Variants in RGS12 observed in about 807,000 individuals in gnomAD.
The protein encoded by RGS12 is regulator of G-protein signaling 12.
A neutral mutation model predicts 120.1 loss-of-function variants in RGS12; 66 were observed. That is an observed-to-expected ratio of 0.55 (90% confidence interval 0.45 to 0.67). The LOEUF is 0.67. RGS12 is among the 30% of genes least tolerant of loss of function. RGS12 has a pLI of 0.00. For synonymous variants in RGS12, 827 were observed against 804.7 expected (o/e 1.03, Z -0.47); for missense variants, 1,859 against 1,957.7 (o/e 0.95, Z 0.95).
In RGS12 at chr4:3,317,347, A is replaced by T; in HGVS notation, c.1177A>T (p.Met393Leu). ...LQFISVLYRD[M>L]GELIEGMRAR... Reference sequence around the variant, plus strand: ...GTTCATCTCTGTCCTGTACCGAGACATGGGTGAGCTGATTGAGGGCATGCG... The same window carrying T: ...GTTCATCTCTGTCCTGTACCGAGACTTGGGTGAGCTGATTGAGGGCATGCG... The change falls in exon 2 of 18, where the codon ATG becomes TTG. Residue 393 changes from methionine to leucine, a missense_variant. Met to Leu is a conservative substitution (Grantham distance 15). Transcript: ENST00000336727. The T allele has an allele frequency of 6.2e-7, 1 of 1,614,090 alleles. No individual in the cohort carries two copies. Among genetic ancestry groups the T allele is most frequent in the Non-Finnish European group, 8.5e-7 (1 of 1,180,018 alleles).
chr4:3,381,474 A>G (rs1333904796), intron 3 of RGS12, among the ~76,000 whole-genome samples: 1 of 152,200 alleles, frequency 6.6e-6, no homozygotes, highest in African/African-American at 2.4e-5. Flanking sequence ...TATAAAGGAA[A>G]TGGGTTTAAT....
chr4:3,396,489 A>G (rs1239809397), intron 4 of RGS12, among the ~76,000 whole-genome samples: 1 of 152,192 alleles, frequency 6.6e-6, no homozygotes, highest in Non-Finnish European at 1.5e-5. Context: ...CATTTTTTCT[A>G]CATGGTATTC....
chr4:3,340,219 G>T (rs1180657654), intron 2 of RGS12, among the ~76,000 whole-genome samples: 1 of 152,188 alleles, frequency 6.6e-6, no homozygotes, highest in African/African-American at 2.4e-5. Flanking sequence ...CCGCACACCT[G>T]CCAGGAGCCG....
intron 4 of RGS12, among the ~76,000 whole-genome samples, chr4:3,409,764 G>C (rs576872098): frequency 2.0e-5 from 3 of 152,324 alleles, no homozygotes; most frequent in South Asian, 2.1e-4. Context: ...CAGCAACCGT[G>C]GGGGGTTGAG....
intron 4 of RGS12, among the ~76,000 whole-genome samples, chr4:3,395,751 T>G: frequency 6.6e-6 from 1 of 152,214 alleles, no homozygotes; most frequent in East Asian, 1.9e-4. Flanking sequence ...CTTTTGCTTA[T>G]TTTTCTGTTA....
At chr4:3,345,893 T>C (rs1053466862) in intron 3 of RGS12, among the ~76,000 whole-genome samples, 5 of 152,180 alleles carry the variant, frequency 3.3e-5, no homozygotes, top group African/African-American at 1.2e-4. Context: ...TTTTATAATA[T>C]ATGGCCTGTT....
intron 1 of RGS12, among the ~76,000 whole-genome samples, chr4:3,310,329 C>T (rs142472876): frequency 6.0e-4 from 87 of 144,958 alleles, no homozygotes; most frequent in African/African-American, 1.7e-3. Flanking sequence ...TGAGGGGAAC[C>T]GGGCGGGAGA....
chr4:3,350,964 C>A (rs1351396757), intron 3 of RGS12, among the ~76,000 whole-genome samples: 1 of 151,724 alleles, frequency 6.6e-6, no homozygotes, highest in African/African-American at 2.4e-5. Flanking sequence ...AATACAAATT[C>A]ACTGGTTTAT....
intron 5 of RGS12, chr4:3,414,551 A>G (rs1349729377): frequency 3.3e-6 from 2 of 604,076 alleles, no homozygotes; most frequent in East Asian, 5.5e-5. Context: ...CAGCTCTTCA[A>G]AGAGATGTTT....
chr4:3,375,322 C>T (rs374749125), intron 3 of RGS12, among the ~76,000 whole-genome samples: 17,752 of 101,482 alleles, frequency 0.17, 2,474 homozygotes, highest in East Asian at 0.26. Flanking sequence ...GCCCTCATCT[C>T]CAGCCTCATC....
At chr4:3,348,714 CAGTTAAAACTGGA>C (rs1714073142) in intron 3 of RGS12, among the ~76,000 whole-genome samples, 1 of 152,170 alleles carries the variant, frequency 6.6e-6, no homozygotes, top group African/African-American at 2.4e-5. Flanking sequence ...CATAGTAACA[CAGTTAAAACTGGA>C]GAAAAAAGTT....
At chr4:3,291,616 G>A (rs1300242640), upstream of RGS12, among the ~76,000 whole-genome samples, 3 of 152,206 alleles carry the variant, frequency 2.0e-5, no homozygotes, top group Non-Finnish European at 4.4e-5. Context: ...CAAAGTGCTG[G>A]GATTACTGGC....
chr4:3,309,630 G>C, intron 1 of RGS12, among the ~76,000 whole-genome samples: 1 of 128,870 alleles, frequency 7.8e-6, no homozygotes, highest in Non-Finnish European at 1.6e-5. Context: ...GGTGTCCGCT[G>C]AGGGGAACCG....
intron 2 of RGS12, among the ~76,000 whole-genome samples, chr4:3,321,465 C>A (rs577077141): frequency 6.6e-6 from 1 of 152,300 alleles, no homozygotes; most frequent in East Asian, 1.9e-4. Context: ...ATGTGGTCTT[C>A]AAGGCCCAGT....
At chr4:3,341,894 C>T (rs924558860) in intron 2 of RGS12, among the ~76,000 whole-genome samples, 8 of 148,024 alleles carry the variant, frequency 5.4e-5, no homozygotes, top group African/African-American at 1.0e-4. Flanking sequence ...GGGGCTGGGC[C>T]GTGACAATGG....
chr4:3,420,352 C>G (rs1722870184), intron 9 of RGS12: 3 of 520,190 alleles, frequency 5.8e-6, no homozygotes, highest in Non-Finnish European at 1.0e-5. Flanking sequence ...TGGGCACCTG[C>G]CATGAGCCAA....
chr4:3,335,763 G>A (rs1354807181), intron 2 of RGS12, among the ~76,000 whole-genome samples: 1 of 152,080 alleles, frequency 6.6e-6, no homozygotes, highest in Non-Finnish European at 1.5e-5. Flanking sequence ...CTCCAGCCTG[G>A]GAGATAGAAT....
At chr4:3,418,955 C>G (rs1458002911) in intron 9 of RGS12, 1 of 140,208 alleles carries the variant, frequency 7.1e-6, no homozygotes, top group Non-Finnish European at 1.5e-5. Flanking sequence ...CCGAGGCAGG[C>G]GGATTGCCTG....
chr4:3,424,246 T>C (rs1723363576), intron 13 of RGS12, among the ~76,000 whole-genome samples: 1 of 152,256 alleles, frequency 6.6e-6, no homozygotes, highest in South Asian at 2.1e-4. Flanking sequence ...GGGCACAGTG[T>C]CTGCCTAGTC....
Sources: gnomAD v4.1 joint callset for allele counts (sites outside exome capture counted in the v4.1 genomes callset) on GRCh38, gnomAD v4.1.1 for gene constraint, MANE v1.5 for transcripts, NCBI Gene and HGNC (gene_info 2026-07-23, HGNC 2026-07-21) for gene names.